Variants in HMCN2 observed in about 807,000 individuals in gnomAD.
HMCN2 encodes the protein hemicentin 2.
Under a neutral mutation model 377.5 loss-of-function variants are expected in HMCN2, and 325 were observed. The ratio of observed to expected loss-of-function variants is 0.86; its 90% CI spans 0.79 to 0.94. The LOEUF is 0.94. HMCN2 is among the 40% of genes least tolerant of loss of function. The pLI, the probability that HMCN2 is intolerant of heterozygous loss-of-function variation, is 0.00. For synonymous variants in HMCN2, 2,007 were observed against 2,046.8 expected, an observed-to-expected ratio of 0.98 and a Z score of 0.53; for missense variants, 4,543 against 4,725.3, an observed-to-expected ratio of 0.96 and a Z score of 1.13.
intron 82 of HMCN2, chr9:130,406,526 C>T: frequency 3.8e-6 from 1 of 266,442 alleles, no homozygotes; most frequent in Non-Finnish European, 7.5e-6. Context: ...CTACCGGAAA[C>T]CCAGGTGATG....
chr9:130,357,726 G>A, intron 34 of HMCN2, 108 bp from the exon 35 acceptor site: 1 of 801,232 alleles, frequency 1.2e-6, no homozygotes, highest in East Asian at 6.6e-5. Flanking sequence ...CCTTTGGCCA[G>A]CCCTTCAAGG....
chr9:130,408,664 C>A, intron 83 of HMCN2, 79 bp from the exon 84 acceptor site: 1 of 1,061,580 alleles, frequency 9.4e-7, no homozygotes, highest in South Asian at 1.5e-5. Context: ...AGGAGTTGGG[C>A]AGTCCTTTGG....
Position 130,405,064 on chromosome 9 carries a change from G to T in HMCN2, c.12339+5G>T, listed in dbSNP as rs1843025033. 2 of 1,282,042 alleles carry T rather than the reference G, an allele frequency of 1.6e-6. No individual in the cohort carries two copies. Among genetic ancestry groups the T allele is most frequent in the South Asian group, 2.5e-5 (2 of 78,760 alleles). 79.4% of individuals were successfully genotyped at this position (1,282,042 alleles called of 1,614,324 possible). ...TTGCTGGTGAAGAACTTGGAGGTGA[G>T]GCACTGCCCCAAGGGGCACAGCAGG... is the stretch of plus-strand genomic sequence containing the variant. On this transcript the variant is annotated splice_donor_5th_base_variant and intron_variant, in intron 81 of 97. Transcript: ENST00000683500.
chr9:130,388,206 T>G (rs62580988), intron 61 of HMCN2, among the ~76,000 whole-genome samples: 17,551 of 152,246 alleles, frequency 0.12, 1,151 homozygotes, highest in Middle Eastern at 0.21. Context: ...TTTACCATCC[T>G]TGGGCTAAGG....
chr9:130,411,128 A>AC (rs1843384425), intron 85 of HMCN2, among the ~76,000 whole-genome samples: 1 of 151,990 alleles, frequency 6.6e-6, no homozygotes, highest in South Asian at 2.1e-4. Flanking sequence ...AAGAAATAGG[A>AC]CAGTGCCGGC....
intron 6 of HMCN2, 114 bp downstream of exon 6, chr9:130,295,886 G>A: frequency 2.5e-6 from 1 of 403,238 alleles, no homozygotes; most frequent in African/African-American, 2.1e-5. Flanking sequence ...GCTAGAGTGT[G>A]GGTGGTGATG....
Position 130,425,070 on chromosome 9 carries a change from C to T in HMCN2, c.13581C>T (p.Leu4527=), listed in dbSNP as rs1335215511. 15 of 1,550,002 alleles carry T rather than the reference C, an allele frequency of 9.7e-6. No homozygotes were observed. Among genetic ancestry groups the T allele is most frequent in the South Asian group, 1.2e-5 (1 of 84,042 alleles). ...TGGATCCCGATGGCCTCCTGCTCCT[C>T]GACGTGGTGGTCAATGGCGTTGTCC... ...RGLDPDGLLL[L]DVVVNGVVPE... Residue 4527 remains leucine, a synonymous_variant, in exon 89 of 98, where the codon CTC becomes CTT. Coordinates refer to ENST00000683500, the MANE Select transcript of HMCN2 (RefSeq NM_001291815.2).
chr9:130,342,647 G>A (rs952212726), intron 25 of HMCN2, among the ~76,000 whole-genome samples: 8 of 152,182 alleles, frequency 5.3e-5, no homozygotes, highest in Non-Finnish European at 1.0e-4. Context: ...GCCCAAGGGG[G>A]TTAAGTGACT....
At chr9:130,310,175 T>C (rs1164144776) in intron 15 of HMCN2, 114 bp downstream of exon 15, 3 of 311,122 alleles carry the variant, frequency 9.6e-6, no homozygotes, top group Non-Finnish European at 2.0e-5. Flanking sequence ...GTAGATGGCA[T>C]CATGTGGATC....
At chr9:130,395,473 T>G in intron 71 of HMCN2, 126 bp downstream of exon 71, 1 of 779,568 alleles carries the variant, frequency 1.3e-6, no homozygotes, top group Non-Finnish European at 1.7e-6. Flanking sequence ...TTGCACCCTG[T>G]TCCCCGGGTG....
chr9:130,393,907 T>A lies in HMCN2; in HGVS notation c.10400T>A (p.Leu3467Gln). ...CAGAGCCTCGAGCAGGGGCCCAGCC[T>A]GCAGCTGGAGGCAGTGGGAGCTGGT... The part of the protein sequence containing the change: ...LSQSLEQGPS[L>Q]QLEAVGAGDS... Residue 3467 changes from leucine to glutamine, a missense_variant, in exon 68 of 98, where the codon CTG (leucine) becomes CAG (glutamine). Leu to Gln is a moderately radical substitution (Grantham distance 113, BLOSUM62 -2). Transcript: ENST00000683500. The surrounding 1 kb of genome is among the most constrained non-coding windows in gnomAD (Gnocchi z 5.2). The A allele has an allele frequency of 7.8e-7, 1 of 1,289,540 alleles. No homozygotes were observed. Among genetic ancestry groups the A allele is most frequent in the Middle Eastern group, 2.1e-4 (1 of 4,660 alleles). 79.9% of individuals were successfully genotyped at this position (1,289,540 alleles called of 1,614,324 possible). A position where few individuals can be genotyped will look rare whatever the true frequency, so the allele number is the denominator to read the frequency against.
rs572966365 is a variant in HMCN2, at chr9:130,284,867, C to T, written c.330+194C>T. 5.9e-5 allele frequency among the ~76,000 whole-genome samples: 9 copies of T among 152,264 alleles called. 1 individual carries two copies. Among genetic ancestry groups the T allele is most frequent in the African/African-American group, 1.9e-4 (8 of 41,544 alleles). On this transcript the variant is annotated intron_variant, in intron 2 of 97. Transcript: ENST00000683500. ...TCCATCCTTGCCCACTCGAAGTACT[C>T]GTCACGGTGCTGGGCTTATTGGTGT... is the stretch of plus-strand genomic sequence containing the variant.
In HMCN2 at chr9:130,394,610, G is replaced by T. The variant is rs1842509420; in HGVS notation, c.10692+35G>T. On this transcript the variant is annotated intron_variant, in intron 69 of 97. Transcript: ENST00000683500. This position sits in a 1 kb window ranked among gnomAD's most constrained non-coding sequence, Gnocchi z 5.1. ...CCGCCGCCATGGGGCGAGGCTGGGGGTTGGGGGAGAGGGGAGGGACTGCAG... is the reference window on the plus strand; with the variant it reads ...CCGCCGCCATGGGGCGAGGCTGGGGTTTGGGGGAGAGGGGAGGGACTGCAG... 5.6e-6 allele frequency: 7 copies of T among 1,252,948 alleles called. No homozygotes were observed. The highest frequency in any genetic ancestry group is 6.2e-6 in the Non-Finnish European group (6 of 968,590). The allele number at this position is 1,252,948 out of a possible 1,614,324, so 77.6% of individuals were successfully genotyped here.
chr9:130,340,741 C>T lies in HMCN2; in HGVS notation c.3488-370C>T, dbSNP rs1051575170. On this transcript the variant is annotated intron_variant, in intron 23 of 97. Coordinates refer to ENST00000683500, the MANE Select transcript of HMCN2 (RefSeq NM_001291815.2). ...CCATGTTGGCTGGGCTGGTCTCAAA[C>T]GCCTGACATCAGGCAATCTGCCCAC... Among the ~76,000 whole-genome samples, 399 of 152,322 alleles carry T rather than the reference C, an allele frequency of 2.6e-3. 2 individuals are homozygous for T. The highest frequency in any genetic ancestry group is 9.4e-3 in the African/African-American group (389 of 41,576).
At position 130,422,213 on chromosome 9, in the gene HMCN2, G is replaced by C. The variant is rs749664918; in HGVS notation, c.13232-364G>C. On this transcript the variant is annotated intron_variant, in intron 86 of 97. Transcript: ENST00000683500. The surrounding 1 kb of genome is among the most constrained non-coding windows in gnomAD (Gnocchi z 4.2). ...CCAGCCACGCCATCGTGGGCTCCCG[G>C]CATTTCAGAGACCCACAGGTCTTCT... 3.3e-5 allele frequency among the ~76,000 whole-genome samples: 5 copies of C among 152,214 alleles called. No individual in the cohort carries two copies. Among genetic ancestry groups the C allele is most frequent in the African/African-American group, 4.8e-5 (2 of 41,456 alleles).
At chr9:130,366,939 A>G (rs1840723216) in intron 43 of HMCN2, among the ~76,000 whole-genome samples, 1 of 152,202 alleles carries the variant, frequency 6.6e-6, no homozygotes, top group African/African-American at 2.4e-5. Flanking sequence ...GAAGCGGGAA[A>G]GATGTTCTGG....
intron 74 of HMCN2, among the ~76,000 whole-genome samples, chr9:130,398,064 G>T (rs891364586): frequency 8.8e-5 from 12 of 136,452 alleles, no homozygotes; most frequent in Non-Finnish European, 3.0e-5. Context: ...GAGGTGGGAG[G>T]ATCACTTGAG....
intron 15 of HMCN2, among the ~76,000 whole-genome samples, chr9:130,315,051 C>T (rs974021386): frequency 6.6e-6 from 1 of 151,928 alleles, no homozygotes; most frequent in African/African-American, 2.4e-5. Flanking sequence ...CGTGGCCTGA[C>T]CAGCTGGGTC....
chr9:130,355,066 C>T, intron 32 of HMCN2, 22 bp downstream of exon 32: 1 of 1,254,416 alleles, frequency 8.0e-7, no homozygotes, highest in Non-Finnish European at 1.0e-6. Flanking sequence ...CCACCCCACT[C>T]AGAGCTGCCT....
Sources: allele counts gnomAD v4.1 joint callset (sites outside exome capture counted in the v4.1 genomes callset), GRCh38; gene constraint gnomAD v4.1.1; non-coding constraint Gnocchi (gnomAD v3.1); transcripts MANE v1.5; gene names NCBI Gene and HGNC (gene_info 2026-07-23, HGNC 2026-07-21).